HS3ST4: variants seen among roughly 807,000 people sequenced by gnomAD.
The protein encoded by HS3ST4 is heparan sulfate-glucosamine 3-sulfotransferase 4.
A neutral mutation model predicts 29.2 loss-of-function variants in HS3ST4; 17 were observed. That is an observed-to-expected ratio of 0.58 (90% CI 0.40 to 0.87). The LOEUF (loss-of-function observed/expected upper bound fraction) is 0.87. Ranked by LOEUF, HS3ST4 falls within the 40% of genes least tolerant of loss-of-function variation. HS3ST4 has a pLI of 0.00. For missense variants in HS3ST4, 627 were observed against 634.5 expected (o/e 0.99, Z 0.13); for synonymous variants, 314 against 285.7 (o/e 1.10, Z -1.00).
At chr16:26,066,136 G>C (rs1310236056) in intron 1 of HS3ST4, among the ~76,000 whole-genome samples, 1 of 152,154 alleles carries the variant, frequency 6.6e-6, no homozygotes, top group Admixed American at 6.5e-5. Context: ...GCACGAGTAA[G>C]ACCACTCAAT....
intron 1 of HS3ST4, among the ~76,000 whole-genome samples, chr16:26,007,642 A>T (rs758187218): frequency 6.6e-6 from 1 of 152,172 alleles, no homozygotes; most frequent in Non-Finnish European, 1.5e-5. Context: ...GGCTCACAAG[A>T]TGAGGCCATT....
rs1441035288 is a variant in HS3ST4, at chr16:26,136,595, A to G, written c.*347A>G. The G allele has an allele frequency of 3.7e-6, 1 of 272,918 alleles. No individual in the cohort carries two copies. Among genetic ancestry groups the G allele is most frequent in the Non-Finnish European group, 6.9e-6 (1 of 144,144 alleles). The allele number at this position is 272,918 out of a possible 1,614,324, so 16.9% of individuals were successfully genotyped here. A position where few individuals can be genotyped will look rare whatever the true frequency, so the allele number is the denominator to read the frequency against. On this transcript the variant is annotated 3_prime_UTR_variant, in exon 2 of 2. Transcript: ENST00000331351. ...GCTATTAATGTATATGTGAGCGACA[A>G]AAAAGGTCTGCTTTATAGGGGTTCT...
intron 1 of HS3ST4, among the ~76,000 whole-genome samples, chr16:25,895,039 G>A (rs1968045913): frequency 1.3e-5 from 2 of 152,152 alleles, no homozygotes; most frequent in Non-Finnish European, 2.9e-5. Context: ...GTAATGGCAA[G>A]GAAGTGTGAT....
At chr16:25,968,741 G>A (rs1047263045) in intron 1 of HS3ST4, among the ~76,000 whole-genome samples, 4 of 152,172 alleles carry the variant, frequency 2.6e-5, no homozygotes, top group Non-Finnish European at 4.4e-5. Flanking sequence ...CCAGGAGGAG[G>A]AGTTGATGTC....
At chr16:25,782,722 C>T (rs1567238929) in intron 1 of HS3ST4, among the ~76,000 whole-genome samples, 1 of 152,126 alleles carries the variant, frequency 6.6e-6, no homozygotes, top group Non-Finnish European at 1.5e-5. Flanking sequence ...AAGCAAGCAA[C>T]TCAAATATCA....
At chr16:26,112,928 G>A (rs1393983042) in intron 1 of HS3ST4, among the ~76,000 whole-genome samples, 1 of 152,106 alleles carries the variant, frequency 6.6e-6, no homozygotes, top group Admixed American at 6.6e-5. Flanking sequence ...TAAGGTGAGC[G>A]TTTCCATTGC....
At chr16:25,986,784 T>C (rs11640571) in intron 1 of HS3ST4, among the ~76,000 whole-genome samples, 17,623 of 152,250 alleles carry the variant, frequency 0.12, 1,166 homozygotes, top group South Asian at 0.16. Context: ...GGAGGCATGG[T>C]GGCGCTTGAC....
At chr16:25,904,186 G>A (rs945216506) in intron 1 of HS3ST4, among the ~76,000 whole-genome samples, 2 of 144,686 alleles carry the variant, frequency 1.4e-5, no homozygotes, top group South Asian at 2.3e-4. Context: ...ATGGATGGAC[G>A]GATGGACAGA....
chr16:26,127,055 C>T (rs967814969), intron 1 of HS3ST4, among the ~76,000 whole-genome samples: 3 of 151,966 alleles, frequency 2.0e-5, no homozygotes, highest in Admixed American at 6.6e-5. Flanking sequence ...GGTGATGAGT[C>T]CTCTGTCTTC....
chr16:26,010,103 C>G (rs1462385438), intron 1 of HS3ST4, among the ~76,000 whole-genome samples: 1 of 152,172 alleles, frequency 6.6e-6, no homozygotes, highest in Non-Finnish European at 1.5e-5. Context: ...TTTAAGAGGT[C>G]TATAGACTAG....
intron 1 of HS3ST4, among the ~76,000 whole-genome samples, chr16:26,006,869 TG>T (rs1339417556): frequency 6.6e-6 from 1 of 152,194 alleles, no homozygotes; most frequent in African/African-American, 2.4e-5. Flanking sequence ...TTTACAAACG[TG>T]GTTCAGTTTT....
chr16:25,936,392 C>G (rs1289121642), intron 1 of HS3ST4, among the ~76,000 whole-genome samples: 2 of 152,124 alleles, frequency 1.3e-5, no homozygotes, highest in African/African-American at 4.8e-5. Context: ...CAAGTTAAAG[C>G]GCTAGAGAGA....
chr16:25,732,792 TTCTC>T (rs1349421839), intron 1 of HS3ST4, among the ~76,000 whole-genome samples: 1 of 152,164 alleles, frequency 6.6e-6, no homozygotes, highest in African/African-American at 2.4e-5. Context: ...GTCGGTTTCT[TTCTC>T]CCTGCTACTT....
At chr16:25,723,351 G>C (rs1396421937) in intron 1 of HS3ST4, among the ~76,000 whole-genome samples, 1 of 152,190 alleles carries the variant, frequency 6.6e-6, no homozygotes, top group African/African-American at 2.4e-5. Flanking sequence ...TTTTAAACCA[G>C]CTATGTATGT....
At chr16:25,952,834 A>G (rs994942892) in intron 1 of HS3ST4, among the ~76,000 whole-genome samples, 1 of 152,160 alleles carries the variant, frequency 6.6e-6, no homozygotes, top group Non-Finnish European at 1.5e-5. Flanking sequence ...TGCAGTAAGC[A>G]TTCGATGGAT....
At chr16:26,092,920 G>A (rs377380306) in intron 1 of HS3ST4, among the ~76,000 whole-genome samples, 33 of 152,174 alleles carry the variant, frequency 2.2e-4, no homozygotes, top group African/African-American at 7.9e-4. Flanking sequence ...TTAGCAACTG[G>A]CAGACAAGGA....
intron 1 of HS3ST4, among the ~76,000 whole-genome samples, chr16:25,753,921 A>G (rs1306069568): frequency 2.6e-5 from 4 of 152,202 alleles, no homozygotes; most frequent in African/African-American, 4.8e-5. Context: ...CAATGCCTTC[A>G]TGCAATTTGC....
chr16:25,951,494 T>A (rs910905965), intron 1 of HS3ST4, among the ~76,000 whole-genome samples: 1 of 152,198 alleles, frequency 6.6e-6, no homozygotes, highest in African/African-American at 2.4e-5. Context: ...TAACATATTA[T>A]ACTAATTGCA....
chr16:25,984,819 T>C (rs1969046082), intron 1 of HS3ST4, among the ~76,000 whole-genome samples: 2 of 152,322 alleles, frequency 1.3e-5, no homozygotes, highest in African/African-American at 2.4e-5. Context: ...TATTCTCTTA[T>C]CTTTAGTCCT....
Sources: allele counts gnomAD v4.1 joint callset (sites outside exome capture counted in the v4.1 genomes callset), GRCh38; gene constraint gnomAD v4.1.1; transcripts MANE v1.5; gene names NCBI Gene and HGNC (gene_info 2026-07-23, HGNC 2026-07-21).